PKD1: variants seen among roughly 807,000 people sequenced by gnomAD.
The protein encoded by PKD1 is polycystin 1, transient receptor potential channel interacting, also known as polycystin-1.
A neutral mutation model predicts 361.7 loss-of-function variants in PKD1; 81 were observed. The ratio of observed to expected loss-of-function variants is 0.22; its 90% CI spans 0.19 to 0.27. The LOEUF is 0.27. PKD1 is among the 10% of genes least tolerant of loss of function. PKD1 has a pLI of 1.00. For synonymous variants in PKD1, 3,615 were observed against 2,818.3 expected (o/e 1.28, Z -8.95); for missense variants, 6,399 against 6,118.3 (o/e 1.05, Z -1.53).
In PKD1 at chr16:2,103,416, C is replaced by T. The variant is rs772119929; in HGVS notation, c.8641G>A (p.Asp2881Asn). 1.3e-6 allele frequency: 2 copies of T among 1,599,380 alleles called. No homozygotes were observed. The highest frequency in any genetic ancestry group is 1.7e-6 in the Non-Finnish European group (2 of 1,179,616). The part of the protein sequence containing the change: ...AITVKVPNNS[D>N]WAARGHRSSA... ...CTGCGGTGGCCCCGGGCAGCCCAGT[C>T]CGAGTTGTTGGGCACCTTCACGGTG... Residue 2881 changes from aspartate (D) to asparagine (N), a missense_variant, in exon 23 of 46, where the codon GAC (aspartate) becomes AAC (asparagine). By Grantham distance (23) the Asp-to-Asn change is conservative (BLOSUM62 1). Transcript: ENST00000262304.
At chr16:2,092,287 A>C in intron 39 of PKD1, 99 bp from the exon 40 acceptor site, 1 of 1,272,654 alleles carries the variant, frequency 7.9e-7, no homozygotes, top group Non-Finnish European at 1.1e-6. Context: ...GTTCGGCGCC[A>C]CCCCAGGGAA....
In PKD1 at chr16:2,111,416, T is replaced by C; in HGVS notation, c.3751A>G (p.Thr1251Ala). ...GTTGCCTCCGGGCCCGACAGCACGG[T>C]GCCGTCCCCCATGTCGAAGGTCCAC... The part of the protein sequence containing the change: ...ITWTFDMGDG[T>A]VLSGPEATVE... The change falls in exon 15 of 46, where the codon ACC becomes GCC. Residue 1251 changes from threonine (T) to alanine (A), a missense_variant. Transcript: ENST00000262304. 6.2e-7 allele frequency: 1 copy of C among 1,611,780 alleles called. No individual in the cohort carries two copies. The highest frequency in any genetic ancestry group is 1.1e-5 in the South Asian group (1 of 91,048).
In PKD1 at chr16:2,102,382, G is replaced by C. The variant is rs537034114; in HGVS notation, c.9200C>G (p.Pro3067Arg). 14 of 1,555,954 alleles carry C rather than the reference G, an allele frequency of 9.0e-6. No homozygotes were observed. In the East Asian group the frequency reaches 3.4e-4, roughly 37 times the overall value. ...TCCCAGGAGCACAGGGTCACTCACAGGAAACACAAAGCGGACATGGCTTGG... is the reference window on the plus strand; with the variant it reads ...TCCCAGGAGCACAGGGTCACTCACACGAAACACAAAGCGGACATGGCTTGG... ...VPPSHVRFVF[P>R]EPTADVNYIV... Residue 3067 changes from proline to arginine, a missense_variant and splice_region_variant, in exon 25 of 46, where the codon CCT (proline) becomes CGT (arginine). Pro to Arg is a moderately radical substitution (Grantham distance 103). Coordinates refer to ENST00000262304, the MANE Select transcript of PKD1 (RefSeq NM_001009944.3).
chr16:2,092,423 G>C (rs561560184), intron 39 of PKD1, 57 bp downstream of exon 39: 46 of 1,246,590 alleles, frequency 3.7e-5, no homozygotes, highest in Non-Finnish European at 4.9e-5. Flanking sequence ...TCCGCTAAAG[G>C]CTGCTCTCTC....
At chr16:2,133,686 TC>T (rs1471217461) in intron 1 of PKD1, among the ~76,000 whole-genome samples, 1 of 151,908 alleles carries the variant, frequency 6.6e-6, no homozygotes, top group Admixed American at 6.6e-5. Context: ...TCCAGAACTC[TC>T]CCAGCGGCGG....
chr16:2,096,895 T>A, intron 34 of PKD1: 1 of 568,728 alleles, frequency 1.8e-6, no homozygotes, highest in Non-Finnish European at 3.1e-6. Flanking sequence ...CCGGCCAGCC[T>A]CACACAGGAG....
intron 1 of PKD1, among the ~76,000 whole-genome samples, chr16:2,121,085 G>C (rs2092712876): frequency 6.6e-6 from 1 of 152,020 alleles, no homozygotes; most frequent in Admixed American, 6.6e-5. Context: ...AGGGGAAAGA[G>C]CCGGGTGCAA....
chr16:2,117,960 G>C lies in PKD1; in HGVS notation c.1032C>G (p.Ala344=). 1 of 1,526,516 alleles carries C rather than the reference G, an allele frequency of 6.6e-7. No homozygotes were observed. Among genetic ancestry groups the C allele is most frequent in the Non-Finnish European group, 8.9e-7 (1 of 1,127,664 alleles). 94.6% of individuals were successfully genotyped at this position (1,526,516 alleles called of 1,614,324 possible). A position where few individuals can be genotyped will look rare whatever the true frequency, so the allele number is the denominator to read the frequency against. ...CCACCTGCACGTCTGTCCCCAGCAG[G>C]GCTGAGCCGGCCCCCAGGGCCAGCA... is the stretch of plus-strand genomic sequence containing the variant. ...TAVLALGAGS[A]LLGTDVQVEA... Residue 344 remains alanine (A), a synonymous_variant, in exon 5 of 46, where the codon GCC becomes GCG. Transcript: ENST00000262304.
chr16:2,107,732 T>C, intron 16 of PKD1, 151 bp downstream of exon 16: 1 of 747,528 alleles, frequency 1.3e-6, no homozygotes. Context: ...GAAGCAAAGC[T>C]GAAGCAGGCT....
At chr16:2,121,175 G>C (rs751937987) in intron 1 of PKD1, among the ~76,000 whole-genome samples, 1 of 151,984 alleles carries the variant, frequency 6.6e-6, no homozygotes, top group African/African-American at 2.4e-5. Flanking sequence ...AGACCAGACC[G>C]ACCAACACGG....
At chr16:2,090,627 G>A (rs372659193) in intron 44 of PKD1, 37 bp from the exon 45 acceptor site, 17 of 1,608,870 alleles carry the variant, frequency 1.1e-5, no homozygotes, top group African/African-American at 4.0e-5. Flanking sequence ...GCGTACAGCT[G>A]AGCTGAGCTG....
rs369347070 is a variant in PKD1, at chr16:2,102,802, C to A, written c.8948+12G>T. ...CCTGCCCTGCCCTGCCAGGCTGGCC[C>A]GCAGAGCTCACCCCGGGGAAATGAA... On this transcript the variant is annotated intron_variant, in intron 24 of 45. Coordinates refer to ENST00000262304, the MANE Select transcript of PKD1 (RefSeq NM_001009944.3). The A allele has an allele frequency of 7.5e-5, 120 of 1,609,824 alleles. No individual in the cohort carries two copies. In the African/African-American group the frequency reaches 1.5e-3, roughly 21 times the overall value.
Position 2,104,478 on chromosome 16 carries a change from T to C in PKD1, c.8161+20A>G. The C allele has an allele frequency of 2.7e-6, 4 of 1,482,628 alleles. No homozygotes were observed. The highest frequency in any genetic ancestry group is 4.9e-5 in the East Asian group (2 of 41,002). The allele number at this position is 1,482,628 out of a possible 1,614,324, so 91.8% of individuals were successfully genotyped here. On this transcript the variant is annotated intron_variant, in intron 22 of 45. Transcript: ENST00000262304. ...GGCCGCACGGGGCGGGCGGGTGGCA[T>C]GGGGCACGGGCCGCGGCACCTGTGA...
At chr16:2,132,430 C>T (rs1321361892) in intron 1 of PKD1, among the ~76,000 whole-genome samples, 3 of 150,750 alleles carry the variant, frequency 2.0e-5, no homozygotes, top group Admixed American at 6.6e-5. Flanking sequence ...TAGCTGGGCA[C>T]GGTGGTGCAT....
chr16:2,115,561 G>T lies in PKD1; in HGVS notation c.1914C>A (p.Pro638=). The change falls in exon 10 of 46, where the codon CCC becomes CCA. Residue 638 remains proline, a synonymous_variant. Transcript: ENST00000262304. ...RSPDNRTQLA[P]ACMPGGRWCP... is the part of the protein sequence containing the mutation. Reference sequence around the variant, plus strand: ...ACCAGCGTCCCCCTGGCATGCACGCGGGGGCCAGCTGGGTCCTGTTGTCCG... The same window carrying T: ...ACCAGCGTCCCCCTGGCATGCACGCTGGGGCCAGCTGGGTCCTGTTGTCCG... 1 of 1,590,014 alleles carries T rather than the reference G, an allele frequency of 6.3e-7. No homozygotes were observed. Among genetic ancestry groups the T allele is most frequent in the Non-Finnish European group, 8.6e-7 (1 of 1,166,318 alleles).
chr16:2,095,817 C>T (rs1361210962), intron 34 of PKD1, among the ~76,000 whole-genome samples: 2 of 152,208 alleles, frequency 1.3e-5, no homozygotes, highest in Admixed American at 6.5e-5. Context: ...CAGAAATCCC[C>T]GCGGAAGCAC....
chr16:2,112,151 C>A (rs532417398), intron 14 of PKD1, among the ~76,000 whole-genome samples, 189 bp downstream of exon 14: 1 of 152,282 alleles, frequency 6.6e-6, no homozygotes, highest in East Asian at 1.9e-4. Flanking sequence ...GTTCAGGGGC[C>A]CAGCTTCCCT....
rs141487504 is a variant in PKD1, at chr16:2,100,429, C to G, written c.9535G>C (p.Val3179Leu). ...TCGTGCCACACTCGGATCTTCCACACGCTACCCAGGCTGTGCGGGGTGGCG... is the reference window on the plus strand; with the variant it reads ...TCGTGCCACACTCGGATCTTCCACAGGCTACCCAGGCTGTGCGGGGTGGCG... ...RIATPHSLGS[V>L]WKIRVWHDNK... The change falls in exon 27 of 46, where the codon GTG becomes CTG. Residue 3179 changes from valine to leucine, a missense_variant. Physicochemically the swap from Val to Leu is conservative, Grantham distance 32. Coordinates refer to ENST00000262304, the MANE Select transcript of PKD1 (RefSeq NM_001009944.3). This position sits in a 1 kb window ranked among gnomAD's most constrained non-coding sequence, Gnocchi z 4.4. The G allele has an allele frequency of 9.9e-6, 16 of 1,611,060 alleles. No homozygotes were observed. In the African/African-American group the frequency reaches 2.0e-4, roughly 20 times the overall value.
Position 2,110,345 on chromosome 16 carries a change from T to C in PKD1, c.4822A>G (p.Asn1608Asp), listed in dbSNP as rs2092470286. 5 of 1,612,510 alleles carry C rather than the reference T, an allele frequency of 3.1e-6. No homozygotes were observed. Among genetic ancestry groups the C allele is most frequent in the Non-Finnish European group, 4.2e-6 (5 of 1,179,854 alleles). Residue 1608 changes from asparagine to aspartate, a missense_variant, in exon 15 of 46, where the codon AAT (asparagine) becomes GAT (aspartate). Physicochemically the swap from Asn to Asp is conservative, Grantham distance 23 (BLOSUM62 1). Coordinates refer to ENST00000262304, the MANE Select transcript of PKD1 (RefSeq NM_001009944.3). ...SYTFRSVGTF[N>D]IIVTAENEVG... ...TCGTTCTCAGCCGTGACGATGATATTGAAGGTGCCCACGGAGCGGAAGGTG... is the reference window on the plus strand; with the variant it reads ...TCGTTCTCAGCCGTGACGATGATATCGAAGGTGCCCACGGAGCGGAAGGTG...
Sources: allele counts gnomAD v4.1 joint callset (sites outside exome capture counted in the v4.1 genomes callset), GRCh38; gene constraint gnomAD v4.1.1; non-coding constraint Gnocchi (gnomAD v3.1); transcripts MANE v1.5; gene names NCBI Gene and HGNC (gene_info 2026-07-23, HGNC 2026-07-21).